The following CCDC3 variants were observed in gnomAD, a reference collection of about 807,000 sequenced individuals.
CCDC3 encodes the protein coiled-coil domain-containing protein 3.
Under a neutral mutation model 21.4 loss-of-function variants are expected in CCDC3, and 24 were observed. The ratio of observed to expected loss-of-function variants is 1.12; its 90% CI spans 0.81 to 1.58. The LOEUF is 1.58. Among genes scored for constraint, CCDC3 ranks in the 40% most tolerant of loss-of-function variants. The pLI is 0.00. For synonymous variants in CCDC3, 186 were observed against 166.0 expected, an observed-to-expected ratio of 1.12 and a Z score of -0.93; for missense variants, 425 against 360.9, an observed-to-expected ratio of 1.18 and a Z score of -1.44.
At position 12,898,460 on chromosome 10, in the gene CCDC3, T is replaced by A. The variant is rs777800605; in HGVS notation, c.769A>T (p.Ile257Phe). Reference sequence around the variant, plus strand: ...GGGCGCACGGGCCCCCGGGCATTGATGTGCGGCAGCGCGCCCGCCGCCAGC... The same window carrying A: ...GGGCGCACGGGCCCCCGGGCATTGAAGTGCGGCAGCGCGCCCGCCGCCAGC... The part of the protein sequence containing the change: ...EKLAAGALPH[I>F]NARGPVRPPY... The change falls in exon 3 of 3, where the codon ATC becomes TTC. Residue 257 changes from isoleucine (I) to phenylalanine (F), a missense_variant. Coordinates refer to ENST00000378825, the MANE Select transcript of CCDC3 (RefSeq NM_031455.4). The A allele has an allele frequency of 1.2e-4, 191 of 1,611,626 alleles. No individual in the cohort carries two copies. Among genetic ancestry groups the A allele is most frequent in the Non-Finnish European group, 1.6e-4 (184 of 1,178,736 alleles).
intron 2 of CCDC3, among the ~76,000 whole-genome samples, chr10:12,990,301 TA>T (rs994865130): frequency 4.5e-4 from 67 of 149,736 alleles, no homozygotes; most frequent in African/African-American, 1.5e-3. Context: ...ACTGAAGCAG[TA>T]AAAATTATTA....
intron 2 of CCDC3, among the ~76,000 whole-genome samples, chr10:12,964,075 G>A (rs1326265963): frequency 2.6e-5 from 4 of 152,126 alleles, no homozygotes; most frequent in Non-Finnish European, 4.4e-5. Context: ...AGTTGCTCAT[G>A]AGAATCACAT....
chr10:12,933,723 C>T (rs896224690), intron 2 of CCDC3, among the ~76,000 whole-genome samples: 7 of 152,004 alleles, frequency 4.6e-5, no homozygotes, highest in East Asian at 1.9e-4. Flanking sequence ...CTCCCAAAGT[C>T]CTGGGATTAC....
At chr10:13,067,343 A>AT in intron 4 of CCDC3, among the ~76,000 whole-genome samples, 1 of 150,144 alleles carries the variant, frequency 6.7e-6, no homozygotes, top group South Asian at 2.1e-4. Flanking sequence ...ATTTTAAACT[A>AT]TTTTTTCCTT....
chr10:12,920,711 C>T (rs1398950683), intron 2 of CCDC3, among the ~76,000 whole-genome samples: 1 of 152,152 alleles, frequency 6.6e-6, no homozygotes, highest in Admixed American at 6.5e-5. Flanking sequence ...TCTGACATTC[C>T]ACCCATATGG....
chr10:13,082,463 G>A (rs1049161922), intron 3 of CCDC3, among the ~76,000 whole-genome samples: 2 of 152,360 alleles, frequency 1.3e-5, no homozygotes, highest in Non-Finnish European at 2.9e-5. Context: ...GAGCGTGACC[G>A]CTGAAGCACA....
intron 4 of CCDC3, among the ~76,000 whole-genome samples, chr10:13,067,707 G>T (rs1317241849): frequency 6.6e-6 from 1 of 152,016 alleles, no homozygotes; most frequent in Non-Finnish European, 1.5e-5. Flanking sequence ...ATGATCTGTT[G>T]CTGATTCTCT....
intron 2 of CCDC3, among the ~76,000 whole-genome samples, chr10:12,997,851 C>T (rs575757346): frequency 6.6e-6 from 1 of 152,226 alleles, no homozygotes; most frequent in African/African-American, 2.4e-5. Context: ...ATCTTTTGGG[C>T]CCCATTGGAA....
intron 3 of CCDC3, among the ~76,000 whole-genome samples, chr10:13,097,826 C>T (rs945954109): frequency 1.3e-5 from 2 of 152,204 alleles, no homozygotes; most frequent in Non-Finnish European, 2.9e-5. Context: ...TCACATAACA[C>T]CCTGACACTG....
chr10:12,932,771 CTATT>C (rs1834668233), intron 2 of CCDC3, among the ~76,000 whole-genome samples: 1 of 152,168 alleles, frequency 6.6e-6, no homozygotes, highest in African/African-American at 2.4e-5. Context: ...GGGCTTCTCA[CTATT>C]AATTATAATG....
upstream of CCDC3, among the ~76,000 whole-genome samples, chr10:13,002,097 A>G (rs1835866563): frequency 6.6e-6 from 1 of 152,216 alleles, no homozygotes; most frequent in Admixed American, 6.5e-5. Flanking sequence ...CTGACTTTAT[A>G]TTCCCAGAGA....
intron 2 of CCDC3, among the ~76,000 whole-genome samples, chr10:12,934,160 T>C (rs1424050298): frequency 2.6e-5 from 4 of 152,216 alleles, no homozygotes; most frequent in Non-Finnish European, 5.9e-5. Flanking sequence ...TAACTGAAAA[T>C]ATTTCGAAAT....
rs143305488 is a variant in CCDC3, at chr10:13,010,149, G to C, written c.-1-11637C>G. Among the ~76,000 whole-genome samples the C allele has an allele frequency of 3.9e-5, 6 of 152,266 alleles. No individual in the cohort carries two copies. In the East Asian group the frequency reaches 9.6e-4, roughly 24 times the overall value. On this transcript the variant is annotated intron_variant, in intron 5 of 6. Transcript: ENST00000378839. ...TGTAGTCCCAGCTACTAGGGAGTCC[G>C]AAGCAAGAGAATCGCTTGAACCTGG... is the stretch of plus-strand genomic sequence containing the variant.
chr10:12,985,077 C>G (rs944477410), intron 2 of CCDC3, among the ~76,000 whole-genome samples: 4 of 152,060 alleles, frequency 2.6e-5, no homozygotes, highest in African/African-American at 9.7e-5. Flanking sequence ...ATTTTTTTTA[C>G]TCTACCCAAA....
intron 2 of CCDC3, among the ~76,000 whole-genome samples, chr10:12,951,876 T>C (rs1445116793): frequency 6.7e-6 from 1 of 149,738 alleles, no homozygotes; most frequent in Non-Finnish European, 1.5e-5. Flanking sequence ...AGCCACTGAT[T>C]TCATACACAG....
At chr10:13,078,877 G>A (rs1045727196) in intron 3 of CCDC3, among the ~76,000 whole-genome samples, 1 of 151,972 alleles carries the variant, frequency 6.6e-6, no homozygotes, top group Non-Finnish European at 1.5e-5. Flanking sequence ...GGGGGAGGTG[G>A]GGAGGGATAG....
At chr10:12,960,873 C>T (rs965109482) in intron 2 of CCDC3, among the ~76,000 whole-genome samples, 2 of 152,100 alleles carry the variant, frequency 1.3e-5, no homozygotes, top group Non-Finnish European at 2.9e-5. Context: ...GGAAGTGTCC[C>T]GTAGAATAGA....
At chr10:12,957,553 A>AT (rs1835109453) in intron 2 of CCDC3, among the ~76,000 whole-genome samples, 1 of 152,204 alleles carries the variant, frequency 6.6e-6, no homozygotes, top group African/African-American at 2.4e-5. Flanking sequence ...GTGAGAGCGG[A>AT]TGGGAGGTGA....
At chr10:13,049,308 T>C (rs1027031164) in intron 5 of CCDC3, among the ~76,000 whole-genome samples, 2 of 151,980 alleles carry the variant, frequency 1.3e-5, no homozygotes, top group Non-Finnish European at 2.9e-5. Flanking sequence ...TGTAGAGCAC[T>C]TTTTTTTCTT....
Sources: allele counts gnomAD v4.1 joint callset (sites outside exome capture counted in the v4.1 genomes callset), GRCh38; gene constraint gnomAD v4.1.1; transcripts MANE v1.5; gene names NCBI Gene and HGNC (gene_info 2026-07-23, HGNC 2026-07-21).